Variants in CFAP299 observed in about 807,000 individuals in gnomAD.
The protein encoded by CFAP299 is cilia and flagella associated protein 299.
In CFAP299, 21 loss-of-function variants were observed where a neutral mutation model predicts 27.0. The observed-to-expected ratio is 0.78, with a 90% CI of 0.55 to 1.12. The LOEUF (loss-of-function observed/expected upper bound fraction) is 1.12. Among genes scored for constraint, CFAP299 ranks in the 50% most tolerant of loss-of-function variants. The pLI, the probability that CFAP299 is intolerant of heterozygous loss-of-function variation, is 0.00. For synonymous variants in CFAP299, 104 were observed against 98.1 expected (o/e 1.06, Z -0.36); for missense variants, 310 against 276.6 (o/e 1.12, Z -0.86).
intron 3 of CFAP299, among the ~76,000 whole-genome samples, chr4:80,599,725 T>A (rs548007184): frequency 2.6e-5 from 4 of 152,212 alleles, no homozygotes; most frequent in African/African-American, 7.2e-5. Context: ...CTTCTCCTGA[T>A]CTTGTAGGAT....
chr4:80,331,531 A>G (rs778328281), upstream of CFAP299, among the ~76,000 whole-genome samples: 6 of 152,130 alleles, frequency 3.9e-5, no homozygotes, highest in Non-Finnish European at 8.8e-5. Context: ...TAGGTTGGAG[A>G]GAAATTTAAG....
intron 1 of CFAP299, among the ~76,000 whole-genome samples, chr4:80,359,323 C>T (rs1482812439): frequency 1.3e-5 from 2 of 151,980 alleles, no homozygotes; most frequent in African/African-American, 4.8e-5. Context: ...TGTGAAGTAC[C>T]TTACTGGGGT....
chr4:80,767,229 A>G (rs564057363), intron 3 of CFAP299, among the ~76,000 whole-genome samples: 4 of 152,344 alleles, frequency 2.6e-5, no homozygotes, highest in African/African-American at 9.6e-5. Context: ...AAAGAGGTTA[A>G]TAATGGTGAC....
At chr4:80,615,147 A>G (rs1738207451) in intron 3 of CFAP299, among the ~76,000 whole-genome samples, 1 of 152,110 alleles carries the variant, frequency 6.6e-6, no homozygotes, top group Admixed American at 6.6e-5. Flanking sequence ...CTAACTTTTG[A>G]CTAATATTGA....
At chr4:80,329,775 T>C in the CFAP299 span, among the ~76,000 whole-genome samples, 1 of 152,132 alleles carries the variant, frequency 6.6e-6, no homozygotes, top group African/African-American at 2.4e-5. Context: ...CTGACGAGCT[T>C]TGATATTGTA....
chr4:80,859,929 C>A (rs777172251), intron 3 of CFAP299, among the ~76,000 whole-genome samples: 1 of 152,070 alleles, frequency 6.6e-6, no homozygotes, highest in African/African-American at 2.4e-5. Flanking sequence ...GTGACATTCT[C>A]TTTATTTCCT....
the CFAP299 span, among the ~76,000 whole-genome samples, chr4:80,322,190 T>A: frequency 6.6e-6 from 1 of 152,228 alleles, no homozygotes; most frequent in Admixed American, 6.5e-5. Flanking sequence ...AATAAAAGGT[T>A]CCCATTTATA....
chr4:80,354,884 G>A (rs1723188274), intron 1 of CFAP299, among the ~76,000 whole-genome samples: 1 of 152,042 alleles, frequency 6.6e-6, no homozygotes, highest in Admixed American at 6.6e-5. Flanking sequence ...GTGTTCTATG[G>A]TATATATGTA....
chr4:80,390,782 TACAC>T (rs1468300917), intron 2 of CFAP299, among the ~76,000 whole-genome samples: 1 of 141,248 alleles, frequency 7.1e-6, no homozygotes, highest in Non-Finnish European at 1.5e-5. Context: ...TATATACATA[TACAC>T]ATATATGTAT....
intron 3 of CFAP299, among the ~76,000 whole-genome samples, chr4:80,617,743 G>A (rs1182671921): frequency 6.6e-6 from 1 of 152,148 alleles, no homozygotes; most frequent in Non-Finnish European, 1.5e-5. Flanking sequence ...GAAGGGCATA[G>A]ATGAAAGAAC....
intron 3 of CFAP299, among the ~76,000 whole-genome samples, chr4:80,593,966 T>C (rs1278843524): frequency 6.6e-6 from 1 of 152,168 alleles, no homozygotes. Flanking sequence ...AAGTTGTTTT[T>C]TAGTTGCCAA....
intron 3 of CFAP299, among the ~76,000 whole-genome samples, chr4:80,858,928 G>T (rs952569180): frequency 6.6e-6 from 1 of 151,988 alleles, no homozygotes; most frequent in Non-Finnish European, 1.5e-5. Flanking sequence ...TATTAGGTCC[G>T]CTTGGTGCAG....
chr4:80,931,010 G>T (rs755187347), intron 4 of CFAP299, among the ~76,000 whole-genome samples: 5 of 151,948 alleles, frequency 3.3e-5, no homozygotes, highest in Non-Finnish European at 5.9e-5. Context: ...AATTATCTGG[G>T]TTTTCCCTAT....
rs532578755 is a variant in CFAP299 at position 80,514,468 on chromosome 4, G to C, written c.243-68625G>C. Among the ~76,000 whole-genome samples the C allele has an allele frequency of 3.3e-5, 5 of 152,118 alleles. No homozygotes were observed. The South Asian group carries it at 1.0e-3, about 32-fold the overall frequency. ...TCTTAAAATAGTTTTAAAAGTTTTTGAACTCTTCCAATTCAACTGGAAAAT... is the reference window on the plus strand; with the variant it reads ...TCTTAAAATAGTTTTAAAAGTTTTTCAACTCTTCCAATTCAACTGGAAAAT... On this transcript the variant is annotated intron_variant, in intron 2 of 5. Transcript: ENST00000358105.
intron 2 of CFAP299, among the ~76,000 whole-genome samples, chr4:80,373,947 G>T (rs574566940): frequency 1.3e-5 from 2 of 152,070 alleles, no homozygotes. Flanking sequence ...ATGATCTTCC[G>T]GTGAGTTTTC....
intron 3 of CFAP299, among the ~76,000 whole-genome samples, chr4:80,824,972 T>C (rs944297010): frequency 6.6e-6 from 1 of 151,924 alleles, no homozygotes; most frequent in Non-Finnish European, 1.5e-5. Context: ...TTCCTAAAAG[T>C]CTTTGCTATC....
chr4:80,679,359 A>G (rs1719683485), intron 3 of CFAP299, among the ~76,000 whole-genome samples: 2 of 152,020 alleles, frequency 1.3e-5, no homozygotes, highest in African/African-American at 4.8e-5. Flanking sequence ...GTTTTTTGCT[A>G]TTACAAATAA....
chr4:80,580,991 A>G (rs1401669211), intron 2 of CFAP299, among the ~76,000 whole-genome samples: 1 of 151,940 alleles, frequency 6.6e-6, no homozygotes, highest in Non-Finnish European at 1.5e-5. Context: ...ATTTATGCAT[A>G]TTATTATTGA....
chr4:80,803,961 G>A (rs1277794269), intron 3 of CFAP299, among the ~76,000 whole-genome samples: 2 of 152,014 alleles, frequency 1.3e-5, no homozygotes, highest in African/African-American at 2.4e-5. Context: ...AGATCACTCA[G>A]TGTCTGGTGA....
Sources: gnomAD v4.1 joint callset for allele counts (sites outside exome capture counted in the v4.1 genomes callset) on GRCh38, gnomAD v4.1.1 for gene constraint, MANE v1.5 for transcripts, NCBI Gene and HGNC (gene_info 2026-07-23, HGNC 2026-07-21) for gene names.